The following EPB41L4A variants were observed in gnomAD, a reference collection of about 807,000 sequenced individuals.
EPB41L4A encodes erythrocyte membrane protein band 4.1 like 4A, also known as band 4.1-like protein 4A.
Under a neutral mutation model 108.6 loss-of-function variants are expected in EPB41L4A, and 100 were observed. The observed-to-expected ratio is 0.92, with a 90% CI of 0.78 to 1.09. EPB41L4A has a LOEUF of 1.09. EPB41L4A is among the 50% of genes least tolerant of loss of function. EPB41L4A has a pLI of 0.00. For missense variants in EPB41L4A, 1,030 were observed against 842.7 expected (o/e 1.22, Z -2.75); for synonymous variants, 319 against 289.0 (o/e 1.10, Z -1.05).
chr5:112,185,285 C>G (rs1429743949), intron 17 of EPB41L4A, among the ~76,000 whole-genome samples: 1 of 152,186 alleles, frequency 6.6e-6, no homozygotes, highest in Non-Finnish European at 1.5e-5. Flanking sequence ...GTAAAAAGAA[C>G]AGGCAGGCTT....
chr5:112,230,092 T>C (rs957418290), intron 12 of EPB41L4A, among the ~76,000 whole-genome samples: 7 of 152,128 alleles, frequency 4.6e-5, no homozygotes, highest in Admixed American at 2.6e-4. Context: ...ATAGTGTACA[T>C]AGTAATATAA....
chr5:112,215,587 C>T (rs1356528241), intron 12 of EPB41L4A, among the ~76,000 whole-genome samples: 1 of 151,954 alleles, frequency 6.6e-6, no homozygotes, highest in Non-Finnish European at 1.5e-5. Flanking sequence ...AATGGTGAAA[C>T]CCCGTCTCTA....
chr5:112,355,335 G>T (rs541384211), intron 1 of EPB41L4A, among the ~76,000 whole-genome samples: 1 of 152,288 alleles, frequency 6.6e-6, no homozygotes, highest in Non-Finnish European at 1.5e-5. Context: ...ACTATCTTCA[G>T]ATTTTTACCA....
chr5:112,154,071 G>A (rs1044094840), intron 12 of EPB41L4A, among the ~76,000 whole-genome samples: 1 of 152,148 alleles, frequency 6.6e-6, no homozygotes, highest in Non-Finnish European at 1.5e-5. Flanking sequence ...ATATTGGGAA[G>A]TACTGTAATA....
At chr5:112,373,474 C>T (rs1759622848) in intron 1 of EPB41L4A, among the ~76,000 whole-genome samples, 3 of 152,194 alleles carry the variant, frequency 2.0e-5, no homozygotes, top group Non-Finnish European at 2.9e-5. Context: ...GGTACAGAAA[C>T]CAGCAACCAC....
chr5:112,145,936 T>C (rs1360528492), exon 13 of EPB41L4A: 2 of 456,802 alleles, frequency 4.4e-6, no homozygotes, highest in Non-Finnish European at 4.4e-6. Context: ...CCTTCTGAAG[T>C]GCCTTGTTCA....
chr5:112,351,840 A>G lies in EPB41L4A; in HGVS notation c.100-44350T>C, dbSNP rs1446982243. On this transcript the variant is annotated intron_variant, in intron 1 of 22. Coordinates refer to ENST00000261486, the MANE Select transcript of EPB41L4A (RefSeq NM_022140.5). ...TCTCCTAGGCATGCAAGGATGAGTC[A>G]ATAAACGCAAATCAATAAATGTGAT... 1.3e-5 allele frequency among the ~76,000 whole-genome samples: 2 copies of G among 152,258 alleles called. 1 individual carries two copies. The highest frequency in any genetic ancestry group is 4.1e-4 in the South Asian group (2 of 4,836).
intron 9 of EPB41L4A, among the ~76,000 whole-genome samples, chr5:112,251,645 C>A (rs1008126105): frequency 6.6e-6 from 1 of 152,098 alleles, no homozygotes; most frequent in Non-Finnish European, 1.5e-5. Flanking sequence ...TGGTTACCTA[C>A]AAGGAAGCAT....
chr5:112,360,281 C>T (rs1469252589), intron 1 of EPB41L4A, among the ~76,000 whole-genome samples: 1 of 151,972 alleles, frequency 6.6e-6, no homozygotes, highest in African/African-American at 2.4e-5. Flanking sequence ...TGACCCTCGA[C>T]CCTCTCCCCT....
intron 17 of EPB41L4A, among the ~76,000 whole-genome samples, chr5:112,194,249 T>A (rs1251126844): frequency 2.0e-5 from 3 of 152,200 alleles, no homozygotes; most frequent in Non-Finnish European, 4.4e-5. Context: ...GAGAAATCTA[T>A]CTACGAATGG....
intron 1 of EPB41L4A, among the ~76,000 whole-genome samples, chr5:112,310,466 T>C (rs1248496544): frequency 6.6e-6 from 1 of 152,250 alleles, no homozygotes; most frequent in Non-Finnish European, 1.5e-5. Context: ...ATCCTGACTG[T>C]AATGGATTGC....
At chr5:112,307,597 T>TGTGA in intron 1 of EPB41L4A, 107 bp from the exon 2 acceptor site, 1 of 663,476 alleles carries the variant, frequency 1.5e-6, no homozygotes, top group Non-Finnish European at 2.6e-6. Flanking sequence ...TAGCAGCAAT[T>TGTGA]GTATCAGACC....
intron 2 of EPB41L4A, among the ~76,000 whole-genome samples, chr5:112,288,000 T>C (rs1019826622): frequency 6.6e-6 from 1 of 152,346 alleles, no homozygotes; most frequent in East Asian, 1.9e-4. Flanking sequence ...AATAAAACTT[T>C]CGCATTCCTA....
chr5:112,246,636 T>C (rs1486423441), intron 9 of EPB41L4A, among the ~76,000 whole-genome samples: 1 of 152,202 alleles, frequency 6.6e-6, no homozygotes, highest in African/African-American at 2.4e-5. Flanking sequence ...ACCATGGCAA[T>C]GCAAACTGAT....
chr5:112,294,539 G>T (rs1561546773), intron 2 of EPB41L4A, among the ~76,000 whole-genome samples: 2 of 152,116 alleles, frequency 1.3e-5, no homozygotes, highest in African/African-American at 4.8e-5. Flanking sequence ...AAATATTTCT[G>T]GGGGGTCGGG....
At chr5:112,285,892 T>A (rs941759425) in intron 2 of EPB41L4A, among the ~76,000 whole-genome samples, 1 of 152,182 alleles carries the variant, frequency 6.6e-6, no homozygotes, top group Non-Finnish European at 1.5e-5. Flanking sequence ...ACTATTATAA[T>A]TACCATTTTA....
intron 1 of EPB41L4A, among the ~76,000 whole-genome samples, chr5:112,362,342 A>C (rs1399865289): frequency 6.7e-6 from 1 of 148,698 alleles, no homozygotes; most frequent in Non-Finnish European, 1.5e-5. Flanking sequence ...GTGCAGTGGC[A>C]CCATCTCGGC....
At chr5:112,263,685 G>A (rs1751647830) in intron 6 of EPB41L4A, 1 of 152,308 alleles carries the variant, frequency 6.6e-6, no homozygotes, top group African/African-American at 2.4e-5. Context: ...GCCTTCTAGT[G>A]CATGCTAATA....
intron 1 of EPB41L4A, among the ~76,000 whole-genome samples, chr5:112,314,512 A>T (rs1755284104): frequency 2.4e-5 from 2 of 84,484 alleles, no homozygotes; most frequent in Non-Finnish European, 5.2e-5. Context: ...TACTAAAAAA[A>T]AAAAAAAAAA....
Sources: allele counts gnomAD v4.1 joint callset (sites outside exome capture counted in the v4.1 genomes callset), GRCh38; gene constraint gnomAD v4.1.1; transcripts MANE v1.5; gene names NCBI Gene and HGNC (gene_info 2026-07-23, HGNC 2026-07-21).